The following RSRC1 variants were observed in gnomAD, a reference collection of about 807,000 sequenced individuals.
The protein encoded by RSRC1 is arginine and serine rich coiled-coil 1.
A neutral mutation model predicts 49.1 loss-of-function variants in RSRC1; 39 were observed. The ratio of observed to expected loss-of-function variants is 0.79; its 90% confidence interval spans 0.61 to 1.04. The LOEUF (loss-of-function observed/expected upper bound fraction) is 1.04. RSRC1 is among the 50% of genes least tolerant of loss of function. The pLI, the probability that RSRC1 is intolerant of heterozygous loss-of-function variation, is 0.00. For missense variants in RSRC1, 388 were observed against 402.4 expected (o/e 0.96, Z 0.31); for synonymous variants, 143 against 130.8 (o/e 1.09, Z -0.63).
chr3:158,418,138 A>C (rs955368920), intron 6 of RSRC1, among the ~76,000 whole-genome samples: 4 of 152,058 alleles, frequency 2.6e-5, no homozygotes, highest in African/African-American at 9.7e-5. Flanking sequence ...CATGATCATT[A>C]TCATCACTAT....
rs1275827549 is a variant in RSRC1 at position 158,198,421 on chromosome 3, C to G, written c.321-4651C>G. ...AGATGGATTTCCTGAATACAGCACC[C>G]TGATGGGTCTGGACTCTACCCACCT... On this transcript the variant is annotated intron_variant, in intron 3 of 9. Coordinates refer to ENST00000611884, the MANE Select transcript of RSRC1 (RefSeq NM_001271838.2). Among the ~76,000 whole-genome samples, 5 of 152,246 alleles carry G rather than the reference C, an allele frequency of 3.3e-5. No homozygotes were observed. The South Asian group carries it at 6.2e-4, about 19-fold the overall frequency.
At chr3:158,200,114 T>C (rs970455815) in intron 3 of RSRC1, among the ~76,000 whole-genome samples, 30 of 152,326 alleles carry the variant, frequency 2.0e-4, no homozygotes, top group Non-Finnish European at 1.6e-4. Context: ...CTTGGCTCAC[T>C]GCAAGCTCCG....
At chr3:158,432,633 T>G (rs749047172) in intron 6 of RSRC1, among the ~76,000 whole-genome samples, 2 of 151,982 alleles carry the variant, frequency 1.3e-5, no homozygotes, top group Non-Finnish European at 2.9e-5. Flanking sequence ...TTCGTAGTTT[T>G]GAAAGAACTG....
intron 1 of RSRC1, among the ~76,000 whole-genome samples, chr3:158,112,072 C>T (rs765385522): frequency 2.0e-4 from 31 of 152,134 alleles, no homozygotes; most frequent in South Asian, 2.1e-4. Flanking sequence ...GAGGCTACAA[C>T]CAGGAAGAAC....
At chr3:158,403,511 T>A (rs1238342241) in intron 6 of RSRC1, among the ~76,000 whole-genome samples, 3 of 151,784 alleles carry the variant, frequency 2.0e-5, no homozygotes, top group African/African-American at 7.2e-5. Context: ...CTCATTAATA[T>A]GTCCACTTCA....
chr3:158,510,814 G>A (rs1052363758), intron 7 of RSRC1, among the ~76,000 whole-genome samples: 4 of 151,886 alleles, frequency 2.6e-5, no homozygotes, highest in African/African-American at 7.3e-5. Context: ...TCCCACACTT[G>A]ATTTTTCTTC....
chr3:158,431,890 A>G (rs1252470717), intron 6 of RSRC1, among the ~76,000 whole-genome samples: 1 of 152,026 alleles, frequency 6.6e-6, no homozygotes, highest in African/African-American at 2.4e-5. Context: ...TGTTTGTTAT[A>G]TACTTAATTG....
chr3:158,118,584 T>C (rs1715034642), intron 1 of RSRC1, among the ~76,000 whole-genome samples: 1 of 152,182 alleles, frequency 6.6e-6, no homozygotes, highest in Non-Finnish European at 1.5e-5. Flanking sequence ...TCTGAGGATA[T>C]TAGCTGTTAT....
chr3:158,390,267 TA>T (rs1733200564), intron 6 of RSRC1, among the ~76,000 whole-genome samples: 1 of 152,088 alleles, frequency 6.6e-6, no homozygotes, highest in African/African-American at 2.4e-5. Context: ...TTCACATGTA[TA>T]AAAATGACTC....
chr3:158,172,707 T>C (rs1376650286), intron 3 of RSRC1, among the ~76,000 whole-genome samples: 1 of 152,184 alleles, frequency 6.6e-6, no homozygotes, highest in African/African-American at 2.4e-5. Context: ...TGTCATCATC[T>C]TTTAGGATGT....
intron 3 of RSRC1, among the ~76,000 whole-genome samples, chr3:158,195,306 G>C (rs1223054057): frequency 6.6e-6 from 1 of 151,228 alleles, no homozygotes. Context: ...CTTTTGAGAA[G>C]TGTCTGTTCA....
chr3:158,377,481 A>ATT (rs1732436892), intron 6 of RSRC1, among the ~76,000 whole-genome samples: 3 of 152,012 alleles, frequency 2.0e-5, no homozygotes, highest in African/African-American at 7.3e-5. Flanking sequence ...GGTTGTTTAA[A>ATT]AGAGTGTAGT....
intron 5 of RSRC1, among the ~76,000 whole-genome samples, chr3:158,327,726 G>A (rs1341669811): frequency 6.6e-6 from 1 of 152,168 alleles, no homozygotes; most frequent in Non-Finnish European, 1.5e-5. Context: ...GGGGTGGAGA[G>A]TTCTGTAGAT....
At chr3:158,309,958 T>G (rs1728039881) in intron 5 of RSRC1, among the ~76,000 whole-genome samples, 1 of 151,666 alleles carries the variant, frequency 6.6e-6, no homozygotes, top group Non-Finnish European at 1.5e-5. Flanking sequence ...TACCATGATA[T>G]TTTAAGGTAA....
intron 6 of RSRC1, among the ~76,000 whole-genome samples, chr3:158,446,082 A>G (rs1195251319): frequency 6.6e-6 from 1 of 152,132 alleles, no homozygotes; most frequent in Admixed American, 6.6e-5. Context: ...TAATAGCAAC[A>G]AAATAGATGA....
intron 7 of RSRC1, among the ~76,000 whole-genome samples, chr3:158,536,543 G>C (rs1712722009): frequency 1.3e-5 from 2 of 151,366 alleles, no homozygotes; most frequent in Non-Finnish European, 3.0e-5. Flanking sequence ...AGGAATTATT[G>C]ATAATATTTT....
At chr3:158,470,299 CTTGT>C (rs1738071252) in intron 7 of RSRC1, among the ~76,000 whole-genome samples, 1 of 147,364 alleles carries the variant, frequency 6.8e-6, no homozygotes, top group African/African-American at 2.5e-5. Context: ...GAAAATTAGC[CTTGT>C]TTTTCTCTGC....
chr3:158,307,196 A>G (rs145339069), intron 5 of RSRC1, among the ~76,000 whole-genome samples: 3 of 151,784 alleles, frequency 2.0e-5, no homozygotes, highest in Admixed American at 2.0e-4. Flanking sequence ...ACTTTTGTTT[A>G]CTGCTTTTAC....
At chr3:158,298,263 A>AT (rs1309047748) in intron 5 of RSRC1, among the ~76,000 whole-genome samples, 188 bp downstream of exon 5, 1 of 152,032 alleles carries the variant, frequency 6.6e-6, no homozygotes, top group Admixed American at 6.6e-5. Flanking sequence ...GAATTTAAAA[A>AT]TTTTTTAAAT....
Sources: allele counts gnomAD v4.1 joint callset (sites outside exome capture counted in the v4.1 genomes callset), GRCh38; gene constraint gnomAD v4.1.1; transcripts MANE v1.5; gene names NCBI Gene and HGNC (gene_info 2026-07-23, HGNC 2026-07-21).